Variants in FOXP2 observed in about 807,000 individuals in gnomAD.
FOXP2 encodes forkhead box protein P2.
In FOXP2, 12 loss-of-function variants were observed where a neutral mutation model predicts 115.8. The ratio of observed to expected loss-of-function variants is 0.10; its 90% CI spans 0.07 to 0.17. The LOEUF (loss-of-function observed/expected upper bound fraction) is 0.17, where lower values mean the gene tolerates loss of function less well. Among genes scored for constraint, FOXP2 ranks in the 10% least tolerant of loss-of-function variants. The pLI is 1.00. For missense variants in FOXP2, 629 were observed against 843.5 expected (o/e 0.75, Z 3.15); for synonymous variants, 328 against 297.7 (o/e 1.10, Z -1.05).
chr7:114,517,141 A>G lies in FOXP2; in HGVS notation c.169-17476A>G, dbSNP rs564612258. ...TTTTATATACCTGTTGGTCATGTGT[A>G]TATCTTCCTTTGTAAAATGTCTATT... is the stretch of plus-strand genomic sequence containing the variant. On this transcript the variant is annotated intron_variant, in intron 2 of 16. Transcript: ENST00000350908. 2.2e-4 allele frequency among the ~76,000 whole-genome samples: 34 copies of G among 151,912 alleles called. No individual in the cohort carries two copies. The South Asian group carries it at 6.8e-3, about 31-fold the overall frequency.
At chr7:114,400,713 T>A (rs1792866704) in intron 2 of FOXP2, among the ~76,000 whole-genome samples, 1 of 152,048 alleles carries the variant, frequency 6.6e-6, no homozygotes, top group East Asian at 1.9e-4. Flanking sequence ...GCATGCACAG[T>A]TCACAATAGG....
chr7:114,130,752 G>C (rs1461866065), intron 1 of FOXP2, among the ~76,000 whole-genome samples: 3 of 152,242 alleles, frequency 2.0e-5, no homozygotes, highest in Non-Finnish European at 4.4e-5. Context: ...ATATGCAAAG[G>C]CATCAGAATA....
chr7:114,203,927 T>C (rs545899617), intron 1 of FOXP2, among the ~76,000 whole-genome samples: 3 of 152,230 alleles, frequency 2.0e-5, no homozygotes, highest in Non-Finnish European at 4.4e-5. Flanking sequence ...TAATATTTAA[T>C]ATACTTCTTA....
chr7:114,499,709 T>A (rs2129251097), intron 2 of FOXP2: 1 of 152,226 alleles, frequency 6.6e-6, no homozygotes, highest in Non-Finnish European at 1.5e-5. Flanking sequence ...TTTTACTTTT[T>A]AAATAAAAAC....
At chr7:114,409,785 C>G (rs1300870036), upstream of FOXP2, among the ~76,000 whole-genome samples, 1 of 152,098 alleles carries the variant, frequency 6.6e-6, no homozygotes, top group Non-Finnish European at 1.5e-5. Flanking sequence ...TCTAAATTAA[C>G]TTTCCTAAAA....
chr7:114,642,348 G>T, intron 6 of FOXP2, 62 bp from the exon 7 acceptor site: 1 of 1,303,258 alleles, frequency 7.7e-7, no homozygotes, highest in South Asian at 1.2e-5. Flanking sequence ...ATAACACAAA[G>T]CTCATTATAT....
chr7:114,349,402 A>G (rs544608450), intron 2 of FOXP2, among the ~76,000 whole-genome samples: 23 of 152,270 alleles, frequency 1.5e-4, no homozygotes, highest in African/African-American at 5.5e-4. Flanking sequence ...TTGAATAATG[A>G]GCCCAAGTTC....
chr7:114,685,638 C>G (rs980471611), intron 16 of FOXP2, among the ~76,000 whole-genome samples: 27 of 152,130 alleles, frequency 1.8e-4, no homozygotes, highest in African/African-American at 6.3e-4. Flanking sequence ...GAGATTAAAG[C>G]TGATAGTAGC....
intron 3 of FOXP2, among the ~76,000 whole-genome samples, chr7:114,597,913 A>G (rs1802812247): frequency 1.3e-5 from 2 of 152,162 alleles, no homozygotes; most frequent in Admixed American, 6.6e-5. Flanking sequence ...TAGTCAAGCC[A>G]ATATGGACAG....
intron 1 of FOXP2, among the ~76,000 whole-genome samples, chr7:114,163,519 T>G (rs776928): frequency 0.026 from 3,975 of 152,230 alleles, 182 homozygotes; most frequent in African/African-American, 0.088. Context: ...AAAAGATACA[T>G]TAATTTCTTT....
chr7:114,559,609 G>A (rs751654361), intron 3 of FOXP2, among the ~76,000 whole-genome samples: 9 of 152,114 alleles, frequency 5.9e-5, no homozygotes, highest in Non-Finnish European at 5.9e-5. Flanking sequence ...TTGGCTGGGC[G>A]CGGTGGCTCA....
chr7:114,506,822 G>C (rs539324657), intron 2 of FOXP2, among the ~76,000 whole-genome samples: 2 of 151,790 alleles, frequency 1.3e-5, no homozygotes, highest in East Asian at 3.9e-4. Flanking sequence ...ACTCACTAGG[G>C]CTTCCTCAGT....
chr7:114,654,676 G>T (rs1325287043), intron 10 of FOXP2, among the ~76,000 whole-genome samples: 6 of 152,130 alleles, frequency 3.9e-5, no homozygotes, highest in Non-Finnish European at 8.8e-5. Flanking sequence ...CTGTTGAAAA[G>T]AATATACTTT....
In FOXP2 at chr7:114,611,529, C is replaced by T. The variant is rs557311382; in HGVS notation, c.259-17011C>T. 1.2e-4 allele frequency among the ~76,000 whole-genome samples: 19 copies of T among 152,234 alleles called. No homozygotes were observed. In the South Asian group the frequency reaches 3.9e-3, roughly 32 times the overall value. ...AGCAGTGACATGATGATCTAGCTTC[C>T]TCATGAAGCTTAGGGAAAAACAACT... On this transcript the variant is annotated intron_variant, in intron 3 of 16. Coordinates refer to ENST00000350908, the MANE Select transcript of FOXP2 (RefSeq NM_014491.4).
intron 2 of FOXP2, among the ~76,000 whole-genome samples, chr7:114,328,382 G>T (rs1797613709): frequency 2.0e-5 from 3 of 151,780 alleles, no homozygotes; most frequent in African/African-American, 7.3e-5. Context: ...GACTACAGGT[G>T]CCCGCCACCA....
At chr7:114,118,891 AC>A (rs911354986) in intron 1 of FOXP2, among the ~76,000 whole-genome samples, 19 of 152,106 alleles carry the variant, frequency 1.2e-4, no homozygotes, top group African/African-American at 4.6e-4. Flanking sequence ...CCAGAGGAGA[AC>A]CCTGAATTGT....
intron 2 of FOXP2, among the ~76,000 whole-genome samples, chr7:114,447,893 A>C (rs1794906593): frequency 6.6e-6 from 1 of 152,174 alleles, no homozygotes; most frequent in Non-Finnish European, 1.5e-5. Flanking sequence ...TGTTGAATGC[A>C]AATGAATGAA....
At chr7:114,374,326 G>A (rs1309959978) in intron 2 of FOXP2, among the ~76,000 whole-genome samples, 1 of 152,128 alleles carries the variant, frequency 6.6e-6, no homozygotes, top group Non-Finnish European at 1.5e-5. Flanking sequence ...ATATTTTAAG[G>A]TTTGATAAGG....
At chr7:114,544,598 G>A (rs140314937) in intron 3 of FOXP2, among the ~76,000 whole-genome samples, 24 of 152,172 alleles carry the variant, frequency 1.6e-4, no homozygotes, top group Non-Finnish European at 2.5e-4. Context: ...GCTACTGCAC[G>A]TTCTCAAGTG....
Sources: allele counts gnomAD v4.1 joint callset (sites outside exome capture counted in the v4.1 genomes callset), GRCh38; gene constraint gnomAD v4.1.1; transcripts MANE v1.5; gene names NCBI Gene and HGNC (gene_info 2026-07-23, HGNC 2026-07-21).